The following PLXNA4 variants were observed in gnomAD, a reference collection of about 807,000 sequenced individuals.
The protein encoded by PLXNA4 is plexin-A4.
PLXNA4 carries 44 observed loss-of-function variants against 191.8 expected under a neutral mutation model. The observed-to-expected ratio is 0.23, with a 90% confidence interval of 0.18 to 0.29. PLXNA4 has a LOEUF of 0.29. PLXNA4 is among the 10% of genes least tolerant of loss of function. The pLI is 1.00. For synonymous variants in PLXNA4, 1,082 were observed against 1,009.5 expected, an observed-to-expected ratio of 1.07 and a Z score of -1.36; for missense variants, 1,800 against 2,488.8, an observed-to-expected ratio of 0.72 and a Z score of 5.89.
At chr7:132,302,681 C>T (rs1801352530) in intron 3 of PLXNA4, among the ~76,000 whole-genome samples, 2 of 150,890 alleles carry the variant, frequency 1.3e-5, no homozygotes, top group African/African-American at 4.9e-5. Context: ...TTCAGTTCAC[C>T]GCTCATAAGG....
At chr7:132,636,654 T>C (rs1259642335) in intron 2 of PLXNA4, among the ~76,000 whole-genome samples, 1 of 152,182 alleles carries the variant, frequency 6.6e-6, no homozygotes, top group East Asian at 1.9e-4. Context: ...CAGATTCACG[T>C]AAAGCCTTGG....
chr7:132,453,144 G>T (rs961152110), intron 3 of PLXNA4, among the ~76,000 whole-genome samples: 2 of 152,170 alleles, frequency 1.3e-5, no homozygotes, highest in African/African-American at 4.8e-5. Flanking sequence ...AAAAACAGTT[G>T]CCCATGAACA....
chr7:132,458,779 G>A (rs1018725079), intron 3 of PLXNA4, among the ~76,000 whole-genome samples: 1 of 151,994 alleles, frequency 6.6e-6, no homozygotes, highest in South Asian at 2.1e-4. Flanking sequence ...TAGGACATAC[G>A]CACATTCCTG....
rs1418106511 is a variant in PLXNA4, at chr7:132,180,634, G to C, written c.3591C>G (p.Val1197=). Residue 1197 remains valine, a synonymous_variant, in exon 19 of 32, where the codon GTC becomes GTG. Transcript: ENST00000321063. ...EKPCTVTVSD[V]QLLCESPNLI... ...GGTTGGGGGACTCGCAGAGCAGCTGGACATCTGACACGGTCACGGTGCACG... is the reference window on the plus strand; with the variant it reads ...GGTTGGGGGACTCGCAGAGCAGCTGCACATCTGACACGGTCACGGTGCACG... The C allele has an allele frequency of 1.2e-6, 2 of 1,614,190 alleles. No individual in the cohort carries two copies. The highest frequency in any genetic ancestry group is 1.7e-5 in the Admixed American group (1 of 60,016).
intron 3 of PLXNA4, among the ~76,000 whole-genome samples, chr7:132,324,725 A>G (rs990058672): frequency 1.3e-5 from 2 of 152,210 alleles, no homozygotes; most frequent in African/African-American, 4.8e-5. Flanking sequence ...TGCAGATTAA[A>G]CATCCTTTCC....
At chr7:132,411,978 A>T (rs1223112179) in intron 3 of PLXNA4, among the ~76,000 whole-genome samples, 1 of 151,996 alleles carries the variant, frequency 6.6e-6, no homozygotes, top group Non-Finnish European at 1.5e-5. Flanking sequence ...GCCTCCCTTC[A>T]TGAAGGTCTG....
At chr7:132,505,778 T>C (rs1798443216) in intron 2 of PLXNA4, among the ~76,000 whole-genome samples, 1 of 152,160 alleles carries the variant, frequency 6.6e-6, no homozygotes, top group South Asian at 2.1e-4. Flanking sequence ...CATGTTTGAG[T>C]GTCTAATAGA....
intron 24 of PLXNA4, among the ~76,000 whole-genome samples, chr7:132,162,720 C>A (rs781702802): frequency 2.0e-5 from 3 of 152,052 alleles, no homozygotes; most frequent in Non-Finnish European, 4.4e-5. Flanking sequence ...AAAGCAGGGG[C>A]CTCATTCACA....
intron 3 of PLXNA4, among the ~76,000 whole-genome samples, chr7:132,457,887 T>C (rs1563110504): frequency 6.6e-6 from 1 of 152,206 alleles, no homozygotes; most frequent in Non-Finnish European, 1.5e-5. Flanking sequence ...GGCAAGGCAA[T>C]GAATTCTCCT....
rs146240067 is a variant in PLXNA4, at chr7:132,570,535, G to A, written c.-87+5887C>T. 8.9e-4 allele frequency among the ~76,000 whole-genome samples: 136 copies of A among 152,356 alleles called. 1 individual carries two copies. Among genetic ancestry groups the A allele is most frequent in the African/African-American group, 3.1e-3 (129 of 41,582 alleles). ...GCTGTGCTCATTCGAGAAGAGTTCA[G>A]TGAGTATGTCAGATAAGGAACTGAT... On this transcript the variant is annotated intron_variant, in intron 1 of 31. Transcript: ENST00000321063.
intron 1 of PLXNA4, among the ~76,000 whole-genome samples, chr7:132,551,500 T>C (rs1395777365): frequency 6.6e-6 from 1 of 152,178 alleles, no homozygotes; most frequent in African/African-American, 2.4e-5. Flanking sequence ...CATTACAAAA[T>C]GCCGGTCGTG....
At chr7:132,525,164 A>G (rs561779896) in intron 1 of PLXNA4, among the ~76,000 whole-genome samples, 1 of 152,272 alleles carries the variant, frequency 6.6e-6, no homozygotes, top group South Asian at 2.1e-4. Context: ...GGGATCATTT[A>G]GTATTTTTCC....
At chr7:132,297,468 C>T (rs1488259190) in intron 4 of PLXNA4, among the ~76,000 whole-genome samples, 1 of 152,148 alleles carries the variant, frequency 6.6e-6, no homozygotes, top group African/African-American at 2.4e-5. Context: ...GTTCTCAGCT[C>T]AGTTTGAGAA....
intron 2 of PLXNA4, among the ~76,000 whole-genome samples, chr7:132,620,627 A>G (rs999883563): frequency 1.1e-4 from 17 of 152,158 alleles, no homozygotes; most frequent in Admixed American, 7.2e-4. Context: ...ACATAAATGT[A>G]TATGTACTTA....
At chr7:132,486,881 G>A (rs1013809000) in intron 3 of PLXNA4, among the ~76,000 whole-genome samples, 1 of 152,122 alleles carries the variant, frequency 6.6e-6, no homozygotes, top group Non-Finnish European at 1.5e-5. Flanking sequence ...GTCTCTGAGC[G>A]CCTTGCTGGC....
At position 132,171,577 on chromosome 7, in the gene PLXNA4, G is replaced by A. The variant is rs376136959; in HGVS notation, c.4018-3005C>T. Among the ~76,000 whole-genome samples the A allele has an allele frequency of 1.6e-4, 25 of 152,298 alleles. No homozygotes were observed. In the East Asian group the frequency reaches 4.8e-3, roughly 29 times the overall value. The stretch of plus-strand genomic sequence containing the variant: ...ATTTAGAGAGGTGGAAGAGGACATG[G>A]GTTGGCTAGATAGCACACTTGGTGT... On this transcript the variant is annotated intron_variant, in intron 21 of 31. Coordinates refer to ENST00000321063, the MANE Select transcript of PLXNA4 (RefSeq NM_020911.2).
At chr7:132,585,090 A>G (rs974830797) in intron 2 of PLXNA4, among the ~76,000 whole-genome samples, 3 of 152,064 alleles carry the variant, frequency 2.0e-5, no homozygotes, top group African/African-American at 7.2e-5. Flanking sequence ...ATGAGACTTC[A>G]TCTCTCATTT....
At chr7:132,531,518 T>C (rs1799615298) in intron 1 of PLXNA4, among the ~76,000 whole-genome samples, 2 of 152,272 alleles carry the variant, frequency 1.3e-5, no homozygotes, top group African/African-American at 4.8e-5. Context: ...TAGTATGTAA[T>C]AGAATAGTGT....
At chr7:132,312,835 C>T (rs1801797855) in intron 3 of PLXNA4, among the ~76,000 whole-genome samples, 1 of 152,220 alleles carries the variant, frequency 6.6e-6, no homozygotes, top group Admixed American at 6.5e-5. Context: ...ATTTAGCACA[C>T]TGCCCAGCAC....
Sources: allele counts gnomAD v4.1 joint callset (sites outside exome capture counted in the v4.1 genomes callset), GRCh38; gene constraint gnomAD v4.1.1; transcripts MANE v1.5; gene names NCBI Gene and HGNC (gene_info 2026-07-23, HGNC 2026-07-21).